FER: variants seen among roughly 807,000 people sequenced by gnomAD.
The protein encoded by FER is FER tyrosine kinase, also known as tyrosine-protein kinase Fer.
In FER, 63 loss-of-function variants were observed where a neutral mutation model predicts 111.0. The observed-to-expected ratio is 0.57, with a 90% CI of 0.46 to 0.70. FER has a LOEUF of 0.70. FER is among the 30% of genes least tolerant of loss of function. The pLI is 0.00. For synonymous variants in FER, 327 were observed against 313.9 expected (o/e 1.04, Z -0.44); for missense variants, 914 against 954.0 (o/e 0.96, Z 0.55).
intron 16 of FER, among the ~76,000 whole-genome samples, chr5:109,092,399 G>T (rs1291682131): frequency 1.5e-5 from 2 of 132,492 alleles, no homozygotes; most frequent in Non-Finnish European, 3.3e-5. Context: ...AATAAATAAA[G>T]AATTCCTGCA....
chr5:109,144,929 T>G (rs1753911560), intron 17 of FER, among the ~76,000 whole-genome samples: 1 of 152,102 alleles, frequency 6.6e-6, no homozygotes, highest in Non-Finnish European at 1.5e-5. Flanking sequence ...ATGAAGAATC[T>G]TCAAGCTATG....
chr5:108,842,058 T>C (rs1367882213), intron 5 of FER, among the ~76,000 whole-genome samples: 1 of 152,228 alleles, frequency 6.6e-6, no homozygotes, highest in South Asian at 2.1e-4. Flanking sequence ...ATTTTTTTGA[T>C]GTTCTCTTTA....
intron 16 of FER, among the ~76,000 whole-genome samples, chr5:109,061,121 C>T (rs114821418): frequency 0.02 from 3,024 of 152,216 alleles, 42 homozygotes; most frequent in Non-Finnish European, 0.029. Flanking sequence ...AGCCTTTATA[C>T]GTGTCATTTT....
intron 1 of FER, among the ~76,000 whole-genome samples, chr5:108,756,683 A>G (rs1488475068): frequency 3.9e-5 from 6 of 152,110 alleles, no homozygotes; most frequent in Non-Finnish European, 8.8e-5. Context: ...ATTTACAAGC[A>G]TTTATGTTGG....
chr5:108,909,995 A>G (rs552918512), intron 10 of FER, among the ~76,000 whole-genome samples: 1 of 152,074 alleles, frequency 6.6e-6, no homozygotes, highest in East Asian at 1.9e-4. Flanking sequence ...AAATAAACTG[A>G]ATTAAAATGC....
At chr5:109,126,037 T>C (rs1751678147) in intron 17 of FER, among the ~76,000 whole-genome samples, 1 of 152,102 alleles carries the variant, frequency 6.6e-6, no homozygotes, top group Non-Finnish European at 1.5e-5. Context: ...ATACAGCCAG[T>C]AATTGGCTGA....
At chr5:108,772,857 GA>G (rs1186750769) in intron 2 of FER, among the ~76,000 whole-genome samples, 1 of 152,112 alleles carries the variant, frequency 6.6e-6, no homozygotes, top group Non-Finnish European at 1.5e-5. Context: ...AGTAGCTTTG[GA>G]CATTATAAAG....
At position 109,193,028 on chromosome 5, in the gene FER, A is replaced by G. The variant is rs11738705; in HGVS notation, c.*5453A>G. ...ACCCATAGCCAACAATAAATGCAAT[A>G]ACAATAAAGGAAACTAACCCTCACA... On this transcript the variant is annotated 3_prime_UTR_variant, in exon 20 of 20. Coordinates refer to ENST00000281092, the MANE Select transcript of FER (RefSeq NM_005246.4). 67,186 of 151,972 alleles carry G rather than the reference A, an allele frequency of 0.44. 15,080 individuals carry two copies. The highest frequency in any genetic ancestry group is 0.5 in the South Asian group (2,419 of 4,822). The allele number at this position is 151,972 out of a possible 1,614,324, so 9.4% of individuals were successfully genotyped here.
intron 17 of FER, among the ~76,000 whole-genome samples, chr5:109,172,669 T>C (rs1032706933): frequency 6.6e-6 from 1 of 152,148 alleles, no homozygotes; most frequent in African/African-American, 2.4e-5. Flanking sequence ...TTTATATGTT[T>C]CTGTGAACTG....
In FER at chr5:109,190,116, A is replaced by C. The variant is rs1176556005; in HGVS notation, c.*2541A>C. The stretch of plus-strand genomic sequence containing the variant: ...TTAATTTTGTTGTGCTTGAAGCATA[A>C]TTTATTCATCCCTTCTGTCACTGAT... On this transcript the variant is annotated 3_prime_UTR_variant, in exon 20 of 20. Transcript: ENST00000281092. The C allele has an allele frequency of 6.6e-6, 1 of 152,162 alleles. No homozygotes were observed. The highest frequency in any genetic ancestry group is 1.5e-5 in the Non-Finnish European group (1 of 68,008). The allele number at this position is 152,162 out of a possible 1,614,324, so 9.4% of individuals were successfully genotyped here. A position where few individuals can be genotyped will look rare whatever the true frequency, so the allele number is the denominator to read the frequency against.
chr5:109,011,860 T>C (rs1046899027), intron 13 of FER, among the ~76,000 whole-genome samples: 1 of 152,236 alleles, frequency 6.6e-6, no homozygotes, highest in African/African-American at 2.4e-5. Flanking sequence ...GGAAATCTAA[T>C]GTAACTAGTT....
intron 13 of FER, among the ~76,000 whole-genome samples, chr5:109,033,164 A>G (rs1190816765): frequency 6.6e-6 from 1 of 152,204 alleles, no homozygotes. Context: ...GTGGACTGAT[A>G]AAGCTACTAT....
intron 11 of FER, among the ~76,000 whole-genome samples, chr5:108,953,729 C>T (rs1663651498): frequency 6.6e-6 from 1 of 151,978 alleles, no homozygotes; most frequent in Admixed American, 6.6e-5. Context: ...ATTTGCCTTT[C>T]GTTTATTATT....
intron 10 of FER, among the ~76,000 whole-genome samples, chr5:108,940,569 C>T (rs1304371372): frequency 3.9e-5 from 6 of 152,022 alleles, no homozygotes; most frequent in African/African-American, 1.2e-4. Flanking sequence ...CTTTCATCCT[C>T]GGTGGAACTG....
At chr5:109,127,132 G>A (rs1000216524) in intron 17 of FER, among the ~76,000 whole-genome samples, 1 of 152,100 alleles carries the variant, frequency 6.6e-6, no homozygotes, top group African/African-American at 2.4e-5. Flanking sequence ...GGCATTTATT[G>A]TATGCACTTC....
At chr5:108,758,363 T>G (rs1751351481) in intron 1 of FER, among the ~76,000 whole-genome samples, 1 of 152,182 alleles carries the variant, frequency 6.6e-6, no homozygotes, top group Admixed American at 6.5e-5. Context: ...ATAATTTAAT[T>G]CTTATAACTT....
intron 13 of FER, among the ~76,000 whole-genome samples, chr5:108,987,403 G>A (rs529017913): frequency 9.9e-5 from 15 of 152,168 alleles, no homozygotes; most frequent in East Asian, 3.9e-4. Context: ...ATGAGATCAC[G>A]CCCTTGTACT....
At chr5:108,855,594 GAA>G (rs199949845) in intron 5 of FER, among the ~76,000 whole-genome samples, 7 of 102,978 alleles carry the variant, frequency 6.8e-5, no homozygotes, top group Non-Finnish European at 6.1e-5. Context: ...GCACTCCAGC[GAA>G]AAAAAAAAAA....
intron 17 of FER, among the ~76,000 whole-genome samples, chr5:109,170,997 G>T (rs920460666): frequency 2.6e-5 from 4 of 152,128 alleles, no homozygotes; most frequent in African/African-American, 4.8e-5. Flanking sequence ...CCAAATTATT[G>T]CAAGTGTTCC....
Sources: allele counts gnomAD v4.1 joint callset (sites outside exome capture counted in the v4.1 genomes callset), GRCh38; gene constraint gnomAD v4.1.1; transcripts MANE v1.5; gene names NCBI Gene and HGNC (gene_info 2026-07-23, HGNC 2026-07-21).